VWDE: variants seen among roughly 807,000 people sequenced by gnomAD.
VWDE encodes von Willebrand factor D and EGF domain-containing protein.
VWDE carries 207 observed loss-of-function variants against 178.4 expected under a neutral mutation model. That is an observed-to-expected ratio of 1.16 (90% CI 1.04 to 1.30). VWDE has a LOEUF of 1.30. Ranked by LOEUF, VWDE falls within the 50% of genes most tolerant of loss-of-function variation. The probability of loss-of-function intolerance (pLI) is 0.00; values close to 1 mark genes in which losing one functional copy is unlikely to be tolerated. For missense variants in VWDE, 2,287 were observed against 1,901.3 expected, an observed-to-expected ratio of 1.20 and a Z score of -3.77; for synonymous variants, 738 against 651.4, an observed-to-expected ratio of 1.13 and a Z score of -2.02.
chr7:12,365,416 TAA>T (rs1385188782), intron 13 of VWDE, among the ~76,000 whole-genome samples: 1 of 152,100 alleles, frequency 6.6e-6, no homozygotes, highest in African/African-American at 2.4e-5. Context: ...TATTCCAAAA[TAA>T]AAGTTTTTAA....
intron 12 of VWDE, among the ~76,000 whole-genome samples, 168 bp from the exon 13 acceptor site, chr7:12,367,661 G>C (rs986364233): frequency 8.6e-5 from 13 of 151,922 alleles, no homozygotes; most frequent in African/African-American, 2.4e-4. Context: ...AGAGTAATCT[G>C]GTATTAGAAG....
chr7:12,367,506 A>T lies in VWDE; in HGVS notation c.2762-13T>A, dbSNP rs1782928331. 2.0e-6 allele frequency: 3 copies of T among 1,487,114 alleles called. No individual in the cohort carries two copies. The highest frequency in any genetic ancestry group is 1.4e-5 in the African/African-American group (1 of 69,696). 92.1% of individuals were successfully genotyped at this position (1,487,114 alleles called of 1,614,324 possible). A position where few individuals can be genotyped will look rare whatever the true frequency, so the allele number is the denominator to read the frequency against. Reference sequence around the variant, plus strand: ...TCAGGAGCTTTGTCTTTGGAAAAAAAATATAACAAATACTACATATTTTAC... The same window carrying T: ...TCAGGAGCTTTGTCTTTGGAAAAAATATATAACAAATACTACATATTTTAC... On this transcript the variant is annotated splice_polypyrimidine_tract_variant and intron_variant, in intron 12 of 28. Coordinates refer to ENST00000275358, the MANE Select transcript of VWDE (RefSeq NM_001135924.3).
chr7:12,338,959 T>C (rs544022396), intron 24 of VWDE, among the ~76,000 whole-genome samples: 31 of 152,298 alleles, frequency 2.0e-4, no homozygotes, highest in African/African-American at 7.0e-4. Flanking sequence ...TCAATCACTT[T>C]CAATGTGTGT....
chr7:12,374,576 G>T, intron 9 of VWDE, 113 bp downstream of exon 9: 1 of 690,768 alleles, frequency 1.4e-6, no homozygotes, highest in Non-Finnish European at 2.4e-6. Context: ...ATGCCTTTCT[G>T]TCTAATTTCA....
In VWDE at chr7:12,361,172, T is replaced by C. The variant is rs758456488; in HGVS notation, c.3134A>G (p.Tyr1045Cys). 15 of 1,543,330 alleles carry C rather than the reference T, an allele frequency of 9.7e-6. No individual in the cohort carries two copies. The Middle Eastern group carries it at 5.0e-4, about 52-fold the overall frequency. The change falls in exon 15 of 29, where the codon TAT becomes TGT. Residue 1045 changes from tyrosine to cysteine, a missense_variant. Coordinates refer to ENST00000275358, the MANE Select transcript of VWDE (RefSeq NM_001135924.3). Reference sequence around the variant, plus strand: ...CTTTATAGTACATGAGTCATTTTTATAGAGACCACAAACTTGGCAAGCACC... The same window carrying C: ...CTTTATAGTACATGAGTCATTTTTACAGAGACCACAAACTTGGCAAGCACC... The part of the protein sequence containing the change: ...YDGACQVCGL[Y>C]KNDSCTIKEN...
At chr7:12,364,743 T>C (rs1327395300) in intron 13 of VWDE, among the ~76,000 whole-genome samples, 2 of 152,140 alleles carry the variant, frequency 1.3e-5, no homozygotes, top group South Asian at 2.1e-4. Context: ...GCAAAAATTA[T>C]AGTTGGATGC....
chr7:12,349,986 A>C (rs141267436), intron 19 of VWDE, among the ~76,000 whole-genome samples: 69 of 152,236 alleles, frequency 4.5e-4, no homozygotes, highest in Non-Finnish European at 8.8e-4. Context: ...CATTGATGGA[A>C]ATAGAAAAAC....
At position 12,374,693 on chromosome 7, in the gene VWDE, C is replaced by T. The variant is rs898737240; in HGVS notation, c.1312G>A (p.Gly438Ser). The change falls in exon 9 of 29, where the codon GGC becomes AGC. Residue 438 changes from glycine to serine, a missense_variant. By Grantham distance (56) the Gly-to-Ser change is moderately conservative (BLOSUM62 0). Transcript: ENST00000275358. ...FTDPHIITFD[G>S]RVYDNFKTGT... is the part of the protein sequence containing the mutation. ...AAGAAACTTTCAGAAAATTACCTGCCATCAAATGTAATTATATGTGGGTCA... is the reference window on the plus strand; with the variant it reads ...AAGAAACTTTCAGAAAATTACCTGCTATCAAATGTAATTATATGTGGGTCA... 32 of 1,528,686 alleles carry T rather than the reference C, an allele frequency of 2.1e-5. No individual in the cohort carries two copies. The highest frequency in any genetic ancestry group is 2.8e-5 in the Non-Finnish European group (32 of 1,136,466). The allele number at this position is 1,528,686 out of a possible 1,614,324, so 94.7% of individuals were successfully genotyped here. A position where few individuals can be genotyped will look rare whatever the true frequency, so the allele number is the denominator to read the frequency against.
Position 12,373,198 on chromosome 7 carries a change from A to G in VWDE, c.1366T>C (p.Ser456Pro), listed in dbSNP as rs757449068. The change falls in exon 10 of 29, where the codon TCA becomes CCA. Residue 456 changes from serine (S) to proline (P), a missense_variant. Physicochemically the swap from Ser to Pro is moderately conservative, Grantham distance 74. Coordinates refer to ENST00000275358, the MANE Select transcript of VWDE (RefSeq NM_001135924.3). ...CGTACATGGACTTCAAAATCACGTGACATACTCTTATAAAGCACAAATGTT... is the reference window on the plus strand; with the variant it reads ...CGTACATGGACTTCAAAATCACGTGGCATACTCTTATAAAGCACAAATGTT... ...TGTFVLYKSM[S>P]RDFEVHVRQW... is the part of the protein sequence containing the mutation. The G allele has an allele frequency of 4.6e-5, 71 of 1,551,314 alleles. No homozygotes were observed. Among genetic ancestry groups the G allele is most frequent in the Non-Finnish European group, 5.8e-5 (67 of 1,146,790 alleles).
chr7:12,349,446 T>G (rs1392647653), intron 19 of VWDE, among the ~76,000 whole-genome samples: 1 of 151,284 alleles, frequency 6.6e-6, no homozygotes, highest in Admixed American at 6.6e-5. Flanking sequence ...TGAGTTCATA[T>G]TTATAATTTA....
chr7:12,354,491 T>A (rs1782116911), intron 18 of VWDE: 1 of 371,802 alleles, frequency 2.7e-6, no homozygotes, highest in Non-Finnish European at 5.2e-6. Flanking sequence ...TTTTTGCCTG[T>A]ATAAAATATA....
intron 19 of VWDE, among the ~76,000 whole-genome samples, chr7:12,345,316 G>A (rs1465948246): frequency 6.6e-6 from 1 of 152,012 alleles, no homozygotes; most frequent in East Asian, 1.9e-4. Context: ...TTAGTATATG[G>A]AAAAGCATAT....
intron 19 of VWDE, among the ~76,000 whole-genome samples, chr7:12,351,068 G>A (rs997270689): frequency 2.0e-5 from 3 of 152,086 alleles, no homozygotes; most frequent in Admixed American, 1.3e-4. Flanking sequence ...AATGTCTTGA[G>A]AGATATCCCA....
intron 12 of VWDE, 117 bp downstream of exon 12, chr7:12,369,427 GT>G: frequency 7.8e-7 from 1 of 1,277,090 alleles, no homozygotes; most frequent in Non-Finnish European, 1.0e-6. Flanking sequence ...TGATTTGGAG[GT>G]TTTCTCTATA....
rs1211059885 is a variant in VWDE at position 12,369,651 on chromosome 7, G to A, written c.2655C>T (p.Leu885=). Residue 885 remains leucine (L), a synonymous_variant, in exon 12 of 29, where the codon CTC becomes CTT. Transcript: ENST00000275358. ...ATAAATTGGGGCATTTTAATACTGAGAGAATGTCTTCAATTGATGTGCCAT... is the reference window on the plus strand; with the variant it reads ...ATAAATTGGGGCATTTTAATACTGAAAGAATGTCTTCAATTGATGTGCCAT... ...EEYGTSIEDI[L]SVLKCPNLCS... The A allele has an allele frequency of 2.6e-6, 4 of 1,551,492 alleles. No homozygotes were observed. Among genetic ancestry groups the A allele is most frequent in the Non-Finnish European group, 3.5e-6 (4 of 1,146,890 alleles).
rs545802415 is a variant in VWDE, at chr7:12,349,122, T to C, written c.3886+2451A>G. Among the ~76,000 whole-genome samples, 231 of 152,210 alleles carry C rather than the reference T, an allele frequency of 1.5e-3. 1 individual carries two copies. Among genetic ancestry groups the C allele is most frequent in the African/African-American group, 5.3e-3 (221 of 41,544 alleles). ...GGATAGCATTGGGAGATATACTTAA[T>C]GCTAGATGACGAGTTAGTGGGTGCA... On this transcript the variant is annotated intron_variant, in intron 19 of 28. Transcript: ENST00000275358.
chr7:12,378,004 A>G (rs1327278597), intron 6 of VWDE, 84 bp from the exon 7 acceptor site: 5 of 1,021,284 alleles, frequency 4.9e-6, no homozygotes, highest in Non-Finnish European at 6.6e-6. Flanking sequence ...TTTTCTCAAC[A>G]GCACATATTT....
At chr7:12,350,287 A>G (rs553794740) in intron 19 of VWDE, among the ~76,000 whole-genome samples, 19 of 151,968 alleles carry the variant, frequency 1.3e-4, no homozygotes, top group Non-Finnish European at 2.6e-4. Context: ...AACACATAAT[A>G]TGGAAAATAT....
At chr7:12,374,881 G>T in intron 8 of VWDE, 119 bp from the exon 9 acceptor site, 1 of 1,171,298 alleles carries the variant, frequency 8.5e-7, no homozygotes, top group Non-Finnish European at 1.2e-6. Flanking sequence ...CATAGTTATT[G>T]AAAATTGAAT....
Sources: gnomAD v4.1 joint callset for allele counts (sites outside exome capture counted in the v4.1 genomes callset) on GRCh38, gnomAD v4.1.1 for gene constraint, MANE v1.5 for transcripts, NCBI Gene and HGNC (gene_info 2026-07-23, HGNC 2026-07-21) for gene names.